The following CASTOR2 variants were observed in gnomAD, a reference collection of about 807,000 sequenced individuals.
CASTOR2 encodes cytosolic arginine sensor for mTORC1 subunit 2, also known as GATS protein like 2.
A neutral mutation model predicts 31.2 loss-of-function variants in CASTOR2; 8 were observed. The ratio of observed to expected loss-of-function variants is 0.26; its 90% CI spans 0.15 to 0.46. The LOEUF (loss-of-function observed/expected upper bound fraction) is 0.46. Ranked by LOEUF, CASTOR2 falls within the 20% of genes least tolerant of loss-of-function variation. The pLI, the probability that CASTOR2 is intolerant of heterozygous loss-of-function variation, is 0.99. For missense variants in CASTOR2, 216 were observed against 382.1 expected, an observed-to-expected ratio of 0.57 and a Z score of 3.62; for synonymous variants, 162 against 158.7, an observed-to-expected ratio of 1.02 and a Z score of -0.16.
chr7:75,019,674 T>C (rs1804947689), intron 5 of CASTOR2, among the ~76,000 whole-genome samples: 1 of 152,228 alleles, frequency 6.6e-6, no homozygotes, highest in African/African-American at 2.4e-5. Flanking sequence ...TTTTTTCATT[T>C]GGTGAACAAC....
chr7:75,017,555 G>GAACC, intron 2 of CASTOR2, 43 bp from the exon 3 acceptor site: 1 of 1,603,628 alleles, frequency 6.2e-7, no homozygotes, highest in Non-Finnish European at 8.5e-7. Flanking sequence ...GGGTCATCTG[G>GAACC]AACCTCAGCA....
chr7:75,016,935 G>A (rs1804876788), intron 2 of CASTOR2, among the ~76,000 whole-genome samples: 1 of 151,882 alleles, frequency 6.6e-6, no homozygotes, highest in Non-Finnish European at 1.5e-5. Context: ...GGGAGGCCAA[G>A]GCAGGAGGAT....
At chr7:74,987,905 A>G (rs1212704001) in intron 1 of CASTOR2, among the ~76,000 whole-genome samples, 1 of 151,370 alleles carries the variant, frequency 6.6e-6, no homozygotes, top group East Asian at 1.9e-4. Context: ...ACAGGGTTTC[A>G]CCATGTTGGC....
At chr7:74,996,714 G>GTTT (rs1804356173) in intron 1 of CASTOR2, among the ~76,000 whole-genome samples, 10 of 44,072 alleles carry the variant, frequency 2.3e-4, no homozygotes, top group Admixed American at 6.9e-4. Flanking sequence ...CATGCCTGGT[G>GTTT]CTTTTTTTTT....
At chr7:74,990,555 CA>C (rs782005789) in intron 1 of CASTOR2, among the ~76,000 whole-genome samples, 114,801 of 151,560 alleles carry the variant, frequency 0.76, 43,745 homozygotes, top group East Asian at 0.93. Context: ...CTGGTCTCTA[CA>C]AAAAAATAAA....
At chr7:75,020,179 C>A in intron 6 of CASTOR2, 30 bp downstream of exon 6, 1 of 1,545,794 alleles carries the variant, frequency 6.5e-7, no homozygotes, top group Non-Finnish European at 8.8e-7. Flanking sequence ...GGACGTTCAA[C>A]CCAGGGTGGG....
At chr7:74,984,030 C>T (rs1465030161) in intron 1 of CASTOR2, among the ~76,000 whole-genome samples, 1 of 151,026 alleles carries the variant, frequency 6.6e-6, no homozygotes, top group Non-Finnish European at 1.5e-5. Context: ...GATCCTGCCT[C>T]GGCCTCCAAA....
chr7:75,004,466 T>C (rs1804564896), intron 1 of CASTOR2, among the ~76,000 whole-genome samples: 4 of 147,524 alleles, frequency 2.7e-5, no homozygotes, highest in South Asian at 4.4e-4. Flanking sequence ...TTTTTTTTTT[T>C]CCCCCCGAGA....
At position 75,029,167 on chromosome 7, in the gene CASTOR2, T is replaced by C. The variant is rs1805227260; in HGVS notation, c.*4468T>C. 6.6e-6 allele frequency among the ~76,000 whole-genome samples: 1 copy of C among 152,062 alleles called. No individual in the cohort carries two copies. The highest frequency in any genetic ancestry group is 2.4e-5 in the African/African-American group (1 of 41,390). On this transcript the variant is annotated 3_prime_UTR_variant, in exon 9 of 9. Transcript: ENST00000616305. ...GGCACTATTTGGTGATCTTCAAAGGTGAACACAGGCCACCTCCCACTGGCC... is the reference window on the plus strand; with the variant it reads ...GGCACTATTTGGTGATCTTCAAAGGCGAACACAGGCCACCTCCCACTGGCC...
At chr7:75,007,306 G>A (rs1485999821) in intron 1 of CASTOR2, among the ~76,000 whole-genome samples, 5 of 152,140 alleles carry the variant, frequency 3.3e-5, no homozygotes, top group Non-Finnish European at 7.3e-5. Flanking sequence ...CCAGGACCGA[G>A]GCCAGCAGGG....
At chr7:75,018,823 T>G in intron 4 of CASTOR2, 149 bp from the exon 5 acceptor site, 1 of 1,296,832 alleles carries the variant, frequency 7.7e-7, no homozygotes, top group East Asian at 2.5e-5. Flanking sequence ...ACGGTGGTAA[T>G]TGGTGGTAGA....
At chr7:75,022,900 TAAC>T (rs1247424724) in intron 7 of CASTOR2, among the ~76,000 whole-genome samples, 1 of 152,102 alleles carries the variant, frequency 6.6e-6, no homozygotes, top group Non-Finnish European at 1.5e-5. Flanking sequence ...TCAAAGATAA[TAAC>T]TGCTGGCAAT....
intron 1 of CASTOR2, among the ~76,000 whole-genome samples, chr7:75,001,293 G>T (rs1804490087): frequency 1.3e-5 from 2 of 152,140 alleles, no homozygotes; most frequent in African/African-American, 4.8e-5. Context: ...GCCCAGGCTG[G>T]TCTCAAACTC....
intron 1 of CASTOR2, among the ~76,000 whole-genome samples, chr7:75,005,197 A>G (rs1368423779): frequency 2.6e-5 from 4 of 152,036 alleles, no homozygotes; most frequent in African/African-American, 9.7e-5. Flanking sequence ...TGATCTTGTA[A>G]CCACTGCCAC....
intron 1 of CASTOR2, among the ~76,000 whole-genome samples, chr7:75,005,136 G>T (rs1472903756): frequency 2.6e-5 from 4 of 152,080 alleles, no homozygotes; most frequent in African/African-American, 9.7e-5. Flanking sequence ...CAAAGTGCTG[G>T]GATTACAGGC....
At chr7:74,993,619 G>A (rs1804265286) in intron 1 of CASTOR2, among the ~76,000 whole-genome samples, 1 of 151,392 alleles carries the variant, frequency 6.6e-6, no homozygotes, top group African/African-American at 2.4e-5. Flanking sequence ...CCCAGCTAAT[G>A]TTTGTATTTT....
Position 75,013,772 on chromosome 7 carries a change from G to A in CASTOR2, c.185-3826G>A, listed in dbSNP as rs1370002883. Reference sequence around the variant, plus strand: ...TGACTGAGTCTCGCTCTGTCACCCCGGTTGGAGTCCAGTGACACAATCTCT... The same window carrying A: ...TGACTGAGTCTCGCTCTGTCACCCCAGTTGGAGTCCAGTGACACAATCTCT... On this transcript the variant is annotated intron_variant, in intron 2 of 8. Transcript: ENST00000616305. Among the ~76,000 whole-genome samples the A allele has an allele frequency of 5.9e-5, 9 of 152,184 alleles. No individual in the cohort carries two copies. The South Asian group carries it at 1.5e-3, about 25-fold the overall frequency.
chr7:74,988,228 A>G (rs2131927788), intron 1 of CASTOR2, among the ~76,000 whole-genome samples: 1 of 147,186 alleles, frequency 6.8e-6, no homozygotes. Context: ...CTCCCGGGTC[A>G]AGCAATTCTC....
At chr7:75,001,934 T>G (rs1175243529) in intron 1 of CASTOR2, among the ~76,000 whole-genome samples, 2 of 152,170 alleles carry the variant, frequency 1.3e-5, no homozygotes, top group Non-Finnish European at 2.9e-5. Context: ...TGGGCTGTGA[T>G]GCACCACCAG....
Sources: gnomAD v4.1 joint callset for allele counts (sites outside exome capture counted in the v4.1 genomes callset) on GRCh38, gnomAD v4.1.1 for gene constraint, MANE v1.5 for transcripts, NCBI Gene and HGNC (gene_info 2026-07-23, HGNC 2026-07-21) for gene names.